DENND2B: variants seen among roughly 807,000 people sequenced by gnomAD.
DENND2B encodes DENN domain-containing protein 2B.
In DENND2B, 32 loss-of-function variants were observed where a neutral mutation model predicts 116.0. That is an observed-to-expected ratio of 0.28 (90% CI 0.21 to 0.37). The LOEUF (loss-of-function observed/expected upper bound fraction) is 0.37, where lower values mean the gene tolerates loss of function less well. Ranked by LOEUF, DENND2B falls within the 10% of genes least tolerant of loss-of-function variation. The pLI is 1.00. For missense variants in DENND2B, 1,276 were observed against 1,477.7 expected (o/e 0.86, Z 2.24); for synonymous variants, 588 against 583.9 (o/e 1.01, Z -0.10).
intron 4 of DENND2B, among the ~76,000 whole-genome samples, chr11:8,816,833 G>T (rs775720624): frequency 5.9e-5 from 9 of 152,172 alleles, no homozygotes; most frequent in Non-Finnish European, 1.2e-4. Context: ...ACATGAGAGG[G>T]CTGGACTAGC....
rs1592476948 is a variant in DENND2B, at chr11:8,707,843, T to C, written c.2364A>G (p.Lys788=). 2 of 1,609,776 alleles carry C rather than the reference T, an allele frequency of 1.2e-6. No homozygotes were observed. Among genetic ancestry groups the C allele is most frequent in the Admixed American group, 1.7e-5 (1 of 59,346 alleles). ...GYCRRLLPSG[K]GPRLPEVYCV... ...AGTACACCTCTGGCAACCGGGGCCC[T>C]TTCCCACTTGGCTGGGCCAGGACAA... The change falls in exon 12 of 20, where the codon AAA becomes AAG. Residue 788 remains lysine, a synonymous_variant. Transcript: ENST00000313726. The surrounding 1 kb of genome is among the most constrained non-coding windows in gnomAD (Gnocchi z 4.8).
intron 1 of DENND2B, among the ~76,000 whole-genome samples, chr11:8,797,253 A>G (rs1351023267): frequency 6.6e-6 from 1 of 152,250 alleles, no homozygotes; most frequent in Non-Finnish European, 1.5e-5. Flanking sequence ...CACAATGCTT[A>G]GAACAGAGTA....
intron 1 of DENND2B, among the ~76,000 whole-genome samples, chr11:8,751,630 G>A (rs1042678123): frequency 5.9e-5 from 9 of 151,954 alleles, no homozygotes; most frequent in South Asian, 4.2e-4. Flanking sequence ...ACAGACATGC[G>A]GCCTTTAAGA....
At chr11:8,754,029 G>GCACACACACACACACACACACA (rs60488372) in intron 1 of DENND2B, among the ~76,000 whole-genome samples, 6 of 138,830 alleles carry the variant, frequency 4.3e-5, no homozygotes, top group South Asian at 4.9e-4. Flanking sequence ...CCAAAAGCGC[G>GCACACACACACACACACACACA]CACACACACA....
In DENND2B at chr11:8,847,110, G is replaced by C. The variant is rs147869059; in HGVS notation, c.-155-7760C>G. On this transcript the variant is annotated intron_variant, in intron 3 of 6. Transcript: ENST00000524757. Reference sequence around the variant, plus strand: ...GGGCTTCACACTTGCTAACCACTCAGTGAAACTTCTCCAGAGTCAGTCATT... The same window carrying C: ...GGGCTTCACACTTGCTAACCACTCACTGAAACTTCTCCAGAGTCAGTCATT... 4.3e-3 allele frequency among the ~76,000 whole-genome samples: 659 copies of C among 152,306 alleles called. 9 individuals carry two copies. The highest frequency in any genetic ancestry group is 0.015 in the African/African-American group (622 of 41,558).
chr11:8,893,608 C>T (rs1014833240), intron 1 of DENND2B, among the ~76,000 whole-genome samples: 1 of 152,122 alleles, frequency 6.6e-6, no homozygotes, highest in Non-Finnish European at 1.5e-5. Flanking sequence ...CAATAACAGA[C>T]AAACAGAGAG....
chr11:8,779,373 T>A (rs902079348), intron 1 of DENND2B, among the ~76,000 whole-genome samples: 2 of 152,192 alleles, frequency 1.3e-5, no homozygotes, highest in Non-Finnish European at 2.9e-5. Context: ...CTAGCAGGTA[T>A]GGAGGAAGGA....
intron 2 of DENND2B, among the ~76,000 whole-genome samples, chr11:8,740,150 T>C (rs2049937035): frequency 1.3e-5 from 2 of 148,238 alleles, no homozygotes; most frequent in Non-Finnish European, 3.0e-5. Flanking sequence ...GGTTACACCA[T>C]GGCACTCTAG....
At chr11:8,722,413 C>T (rs2046344134) in intron 4 of DENND2B, among the ~76,000 whole-genome samples, 1 of 152,178 alleles carries the variant, frequency 6.6e-6, no homozygotes, top group South Asian at 2.1e-4. Flanking sequence ...CCTGATCCAG[C>T]GGGGTCAGAG....
intron 3 of DENND2B, among the ~76,000 whole-genome samples, chr11:8,849,427 A>C (rs746589383): frequency 3.9e-5 from 5 of 128,164 alleles, no homozygotes; most frequent in Non-Finnish European, 6.3e-5. Context: ...TGGGAGGTGG[A>C]GGTTGCCATG....
At position 8,702,513 on chromosome 11, in the gene DENND2B, T is replaced by C. The variant is rs1397216747; in HGVS notation, c.2720+59A>G. 4.4e-6 allele frequency: 7 copies of C among 1,600,956 alleles called. No homozygotes were observed. Among genetic ancestry groups the C allele is most frequent in the Middle Eastern group, 1.7e-4 (1 of 6,044 alleles). On this transcript the variant is annotated intron_variant, in intron 14 of 19. Transcript: ENST00000313726. The surrounding 1 kb of genome is among the most constrained non-coding windows in gnomAD (Gnocchi z 4.6). ...GCTTAGGCTCCTGAACACTTGCTGA[T>C]TCGCTTGTGGGTGTGCCTTCCCCCC...
At chr11:8,886,085 T>A (rs1424346361) in intron 1 of DENND2B, among the ~76,000 whole-genome samples, 2 of 151,938 alleles carry the variant, frequency 1.3e-5, no homozygotes, top group African/African-American at 2.4e-5. Context: ...AGACTACAGG[T>A]CCACATCAGG....
At chr11:8,776,415 A>G in intron 1 of DENND2B, 1 of 368,954 alleles carries the variant, frequency 2.7e-6, no homozygotes, top group South Asian at 2.0e-5. Flanking sequence ...TGTGCAAGAC[A>G]CTAGCCCAGT....
intron 1 of DENND2B, among the ~76,000 whole-genome samples, chr11:8,796,950 A>G (rs1176407813): frequency 2.0e-5 from 3 of 152,146 alleles, no homozygotes; most frequent in Non-Finnish European, 4.4e-5. Flanking sequence ...GAGAAAGCTA[A>G]AAAAAACTCA....
intron 2 of DENND2B, among the ~76,000 whole-genome samples, chr11:8,877,953 A>G (rs376150465): frequency 5.9e-5 from 9 of 152,228 alleles, no homozygotes; most frequent in East Asian, 5.8e-4. Context: ...ATAATAGCAT[A>G]CAAGAGATAA....
At position 8,715,751 on chromosome 11, in the gene DENND2B, A is replaced by G. The variant is rs1350359847; in HGVS notation, c.1697T>C (p.Leu566Pro). 6.2e-7 allele frequency: 1 copy of G among 1,614,006 alleles called. No individual in the cohort carries two copies. Among genetic ancestry groups the G allele is most frequent in the Admixed American group, 1.7e-5 (1 of 60,012 alleles). Residue 566 changes from leucine to proline, a missense_variant, in exon 6 of 20, where the codon CTG (leucine) becomes CCG (proline). Coordinates refer to ENST00000313726, the MANE Select transcript of DENND2B (RefSeq NM_213618.2). ...GCTGTGCCTCTTGGGTAATCGTGGC[A>G]GCCGGTGGCTCTTCCTTTCTGACCA... ...GNWSERKSHR[L>P]PRLPKRHSHD...
At chr11:8,810,726 G>T (rs916216619), upstream of DENND2B, 1 of 152,240 alleles carries the variant, frequency 6.6e-6, no homozygotes, top group Non-Finnish European at 1.5e-5. Context: ...CCCTGTCCTC[G>T]CTAGGCGGGC....
At chr11:8,738,492 T>C (rs546111607) in intron 2 of DENND2B, among the ~76,000 whole-genome samples, 1 of 152,318 alleles carries the variant, frequency 6.6e-6, no homozygotes, top group African/African-American at 2.4e-5. Flanking sequence ...GTTCCCCTCC[T>C]GCTTCAAGCA....
intron 3 of DENND2B, among the ~76,000 whole-genome samples, chr11:8,845,102 T>C (rs1337213010): frequency 2.0e-5 from 3 of 152,234 alleles, no homozygotes; most frequent in Non-Finnish European, 4.4e-5. Flanking sequence ...ATTATCTTTA[T>C]TGTTTGAATA....
Sources: gnomAD v4.1 joint callset for allele counts (sites outside exome capture counted in the v4.1 genomes callset) on GRCh38, gnomAD v4.1.1 for gene constraint, Gnocchi (gnomAD v3.1) non-coding constraint, MANE v1.5 for transcripts, NCBI Gene and HGNC (gene_info 2026-07-23, HGNC 2026-07-21) for gene names.